ERICH6: variants seen among roughly 807,000 people sequenced by gnomAD.
ERICH6 encodes the protein glutamate-rich protein 6.
Under a neutral mutation model 71.0 loss-of-function variants are expected in ERICH6, and 71 were observed. The ratio of observed to expected loss-of-function variants is 1.00; its 90% CI spans 0.83 to 1.22. The LOEUF is 1.22. ERICH6 is among the 50% of genes most tolerant of loss of function. The pLI, the probability that ERICH6 is intolerant of heterozygous loss-of-function variation, is 0.00. For missense variants in ERICH6, 808 were observed against 797.2 expected (o/e 1.01, Z -0.16); for synonymous variants, 262 against 278.4 (o/e 0.94, Z 0.59).
At chr3:150,673,717 T>C (rs894343887) in intron 11 of ERICH6, among the ~76,000 whole-genome samples, 8 of 151,646 alleles carry the variant, frequency 5.3e-5, no homozygotes, top group Middle Eastern at 3.2e-3. Flanking sequence ...GTCTCCCGAG[T>C]AGCTGAGACT....
At position 150,669,466 on chromosome 3, in the gene ERICH6, G is replaced by A. The variant is rs767214435; in HGVS notation, c.1344-15C>T. On this transcript the variant is annotated splice_polypyrimidine_tract_variant and intron_variant, in intron 11 of 13. Coordinates refer to ENST00000295910, the MANE Select transcript of ERICH6 (RefSeq NM_152394.5). ...CAGATGGATAGCTGAGATCAGATAA[G>A]GTCATATAAATTGTTCTAATGCTCC... 6.2e-7 allele frequency: 1 copy of A among 1,610,364 alleles called. No individual in the cohort carries two copies. The highest frequency in any genetic ancestry group is 8.5e-7 in the Non-Finnish European group (1 of 1,178,930).
At chr3:150,677,531 C>T in intron 10 of ERICH6, among the ~76,000 whole-genome samples, 1 of 151,276 alleles carries the variant, frequency 6.6e-6, no homozygotes, top group East Asian at 1.9e-4. Flanking sequence ...GAGTTTTGCT[C>T]TGTCACCCAG....
intron 11 of ERICH6, among the ~76,000 whole-genome samples, chr3:150,669,933 C>A (rs1362951913): frequency 6.6e-6 from 1 of 152,092 alleles, no homozygotes; most frequent in Non-Finnish European, 1.5e-5. Flanking sequence ...GTGGCTCATG[C>A]CCATAATCCC....
intron 2 of ERICH6, 75 bp from the exon 3 acceptor site, chr3:150,698,957 TAATC>T (rs534161641): frequency 3.1e-5 from 26 of 835,084 alleles, no homozygotes; most frequent in East Asian, 5.1e-5. Flanking sequence ...GAACATTTAA[TAATC>T]AATTAATTAA....
At chr3:150,695,777 C>CTATATATA (rs145221153) in intron 3 of ERICH6, among the ~76,000 whole-genome samples, 7,389 of 147,816 alleles carry the variant, frequency 0.05, 246 homozygotes, top group Non-Finnish European at 0.081. Context: ...ATAGTATATA[C>CTATATATA]TATATATATA....
chr3:150,672,621 T>G (rs1329299017), intron 11 of ERICH6, among the ~76,000 whole-genome samples: 1 of 150,042 alleles, frequency 6.7e-6, no homozygotes, highest in Non-Finnish European at 1.5e-5. Flanking sequence ...AAACCATATA[T>G]TTTTCTTTTT....
At chr3:150,694,537 T>C (rs1464279599) in intron 3 of ERICH6, among the ~76,000 whole-genome samples, 1 of 152,244 alleles carries the variant, frequency 6.6e-6, no homozygotes, top group African/African-American at 2.4e-5. Context: ...CAGAATTGAC[T>C]ATTCCCCTAC....
Position 150,669,383 on chromosome 3 carries a change from T to C in ERICH6, c.1412A>G (p.Gln471Arg). 1 of 1,613,890 alleles carries C rather than the reference T, an allele frequency of 6.2e-7. No individual in the cohort carries two copies. The highest frequency in any genetic ancestry group is 8.5e-7 in the Non-Finnish European group (1 of 1,179,940). ...AGCAGGGTTAGTGGGCATATCTTCT[T>C]GGACTATACAAGTAAAACCATTTAC... ...NKVNGFTCIVQEDMPTNPAIL... is the reference protein window; with the variant it reads ...NKVNGFTCIVREDMPTNPAIL... The change falls in exon 12 of 14, where the codon CAA becomes CGA. Residue 471 changes from glutamine to arginine, a missense_variant. By Grantham distance (43) the Gln-to-Arg change is conservative. Around this residue, in one of 3 missense-constraint regions of ERICH6, gnomAD observed 736 missense variants for 712.2 expected, o/e 1.03. Transcript: ENST00000295910.
Position 150,702,180 on chromosome 3 carries a change from T to C in ERICH6, c.404-2A>G. The C allele has an allele frequency of 1.3e-6, 2 of 1,577,418 alleles. No individual in the cohort carries two copies. Among genetic ancestry groups the C allele is most frequent in the East Asian group, 4.5e-5 (2 of 44,506 alleles). ...ATGTCTGAAATATTTTAGGGAAACC[T>C]GTTGAATGAAACATTTAAAAATCAG... On this transcript the variant is annotated splice_acceptor_variant, in intron 1 of 13. Transcript: ENST00000295910. LOFTEE classifies it high-confidence loss of function.
intron 7 of ERICH6, among the ~76,000 whole-genome samples, chr3:150,681,382 T>C (rs1331159818): frequency 6.6e-6 from 1 of 152,252 alleles, no homozygotes; most frequent in Non-Finnish European, 1.5e-5. Flanking sequence ...ACTTCACATT[T>C]CTTTTTATGG....
chr3:150,693,148 T>C (rs1477428088), intron 3 of ERICH6, among the ~76,000 whole-genome samples: 1 of 152,242 alleles, frequency 6.6e-6, no homozygotes, highest in East Asian at 1.9e-4. Flanking sequence ...GTATTTGTTT[T>C]CTCTCTACCT....
intron 9 of ERICH6, among the ~76,000 whole-genome samples, chr3:150,679,798 C>T (rs1711823525): frequency 6.6e-6 from 1 of 152,154 alleles, no homozygotes; most frequent in South Asian, 2.1e-4. Context: ...GCTGAGATTA[C>T]AGGCGCCTGC....
rs1711902238 is a variant in ERICH6, at chr3:150,680,941, C to CAG, written c.883-13_883-12dup. 6.2e-7 allele frequency: 1 copy of CAG among 1,602,020 alleles called. No individual in the cohort carries two copies. The highest frequency in any genetic ancestry group is 8.5e-7 in the Non-Finnish European group (1 of 1,175,160). ...AATACAACAGGAGGCCTGGAAAACA[C>CAG]AGAAGTTACTCTCATCTCATTAGTC... On this transcript the variant is annotated splice_polypyrimidine_tract_variant and intron_variant, in intron 7 of 13. Coordinates refer to ENST00000295910, the MANE Select transcript of ERICH6 (RefSeq NM_152394.5).
intron 1 of ERICH6, among the ~76,000 whole-genome samples, chr3:150,703,096 T>C (rs1712978711): frequency 6.6e-6 from 1 of 151,696 alleles, no homozygotes; most frequent in South Asian, 2.1e-4. Context: ...GACGCCAGAT[T>C]AGCTGGGTGT....
intron 6 of ERICH6, among the ~76,000 whole-genome samples, chr3:150,684,424 C>T (rs1035275888): frequency 3.3e-5 from 5 of 152,204 alleles, no homozygotes; most frequent in South Asian, 2.1e-4. Flanking sequence ...TGCATCCATA[C>T]GGCATTTCCA....
At chr3:150,686,389 C>T in intron 3 of ERICH6, 35 bp from the exon 4 acceptor site, 1 of 1,591,068 alleles carries the variant, frequency 6.3e-7, no homozygotes. Context: ...ATCAATCTGA[C>T]AAAGTAGAAA....
intron 12 of ERICH6, among the ~76,000 whole-genome samples, chr3:150,667,574 G>A (rs1265911462): frequency 1.3e-5 from 2 of 152,156 alleles, no homozygotes. Context: ...CTGTGACAGA[G>A]CAAAGGTGGA....
At chr3:150,677,528 G>A (rs1711707106) in intron 10 of ERICH6, among the ~76,000 whole-genome samples, 1 of 149,964 alleles carries the variant, frequency 6.7e-6, no homozygotes, top group Non-Finnish European at 1.5e-5. Flanking sequence ...ACAGAGTTTT[G>A]CTCTGTCACC....
intron 3 of ERICH6, among the ~76,000 whole-genome samples, chr3:150,692,163 G>T (rs958066157): frequency 6.6e-6 from 1 of 151,932 alleles, no homozygotes; most frequent in Non-Finnish European, 1.5e-5. Context: ...GTTATAAAAA[G>T]CTTATGGAAG....
Sources: allele counts gnomAD v4.1 joint callset (sites outside exome capture counted in the v4.1 genomes callset), GRCh38; gene constraint gnomAD v4.1.1; regional missense constraint gnomAD v4.1.1; transcripts MANE v1.5; gene names NCBI Gene and HGNC (gene_info 2026-07-23, HGNC 2026-07-21).